KCNN2: variants seen among roughly 807,000 people sequenced by gnomAD.
KCNN2 encodes small conductance calcium-activated potassium channel protein 2.
A neutral mutation model predicts 55.5 loss-of-function variants in KCNN2; 24 were observed. The ratio of observed to expected loss-of-function variants is 0.43; its 90% CI spans 0.31 to 0.61. The LOEUF (loss-of-function observed/expected upper bound fraction) is 0.61. Ranked by LOEUF, KCNN2 falls within the 20% of genes least tolerant of loss-of-function variation. KCNN2 has a pLI of 0.08. For synonymous variants in KCNN2, 431 were observed against 336.1 expected (o/e 1.28, Z -3.09); for missense variants, 754 against 853.6 (o/e 0.88, Z 1.45).
At chr5:114,398,732 T>C (rs1430131515) in intron 2 of KCNN2, among the ~76,000 whole-genome samples, 1 of 152,166 alleles carries the variant, frequency 6.6e-6, no homozygotes, top group East Asian at 1.9e-4. Context: ...CAGTGTTTTG[T>C]AATTTTCCTC....
chr5:114,160,215 A>G (rs916310087), intron 1 of KCNN2, among the ~76,000 whole-genome samples: 3 of 152,024 alleles, frequency 2.0e-5, no homozygotes, highest in South Asian at 4.2e-4. Flanking sequence ...CTTTGTTCTC[A>G]TTGGTTTCAA....
intron 2 of KCNN2, among the ~76,000 whole-genome samples, chr5:114,324,487 G>A (rs1408628892): frequency 6.6e-6 from 1 of 152,132 alleles, no homozygotes; most frequent in African/African-American, 2.4e-5. Flanking sequence ...ATGAAAGAAG[G>A]GAATCAGAGC....
chr5:114,097,332 C>G (rs1580509505), intron 1 of KCNN2, among the ~76,000 whole-genome samples: 1 of 152,092 alleles, frequency 6.6e-6, no homozygotes, highest in South Asian at 2.1e-4. Flanking sequence ...AAGTTAGTTC[C>G]AGCATTTAAA....
intron 3 of KCNN2, among the ~76,000 whole-genome samples, chr5:114,436,890 G>T (rs1760022965): frequency 6.6e-6 from 1 of 152,166 alleles, no homozygotes; most frequent in Non-Finnish European, 1.5e-5. Flanking sequence ...CTGAAATGTG[G>T]CTGGCATTAT....
intron 2 of KCNN2, among the ~76,000 whole-genome samples, chr5:114,271,061 C>T (rs6421857): frequency 0.9 from 136,480 of 152,134 alleles, 61,620 homozygotes; most frequent in East Asian, 0.94. Context: ...GAAGGTGACC[C>T]GAGTGGGTTG....
chr5:114,206,545 C>T (rs1371070008), intron 1 of KCNN2, among the ~76,000 whole-genome samples: 1 of 151,892 alleles, frequency 6.6e-6, no homozygotes, highest in South Asian at 2.1e-4. Flanking sequence ...TTTTTTTCCC[C>T]TGTGAATTTC....
intron 1 of KCNN2, among the ~76,000 whole-genome samples, chr5:114,187,923 T>A (rs1248302254): frequency 6.6e-6 from 1 of 151,792 alleles, no homozygotes; most frequent in East Asian, 1.9e-4. Context: ...CAAGCAAGTC[T>A]CCTGCCTCAG....
chr5:114,146,149 T>C (rs558192064), intron 1 of KCNN2, among the ~76,000 whole-genome samples: 8 of 152,116 alleles, frequency 5.3e-5, no homozygotes, highest in Non-Finnish European at 1.5e-5. Flanking sequence ...ATACTTCCCT[T>C]ACTTGGTTTA....
intron 2 of KCNN2, among the ~76,000 whole-genome samples, chr5:114,251,575 A>AAT (rs1391769566): frequency 6.6e-6 from 1 of 152,200 alleles, no homozygotes; most frequent in Admixed American, 6.5e-5. Flanking sequence ...TGTTCAATAG[A>AAT]ATAAAGGACT....
At chr5:114,268,851 CA>C (rs1462765071) in intron 2 of KCNN2, among the ~76,000 whole-genome samples, 1 of 151,928 alleles carries the variant, frequency 6.6e-6, no homozygotes, top group Non-Finnish European at 1.5e-5. Context: ...TTGAGTACCA[CA>C]AAAAGAGCTA....
intron 1 of KCNN2, among the ~76,000 whole-genome samples, chr5:114,161,258 T>C (rs972428143): frequency 6.6e-6 from 1 of 152,162 alleles, no homozygotes; most frequent in South Asian, 2.1e-4. Flanking sequence ...GCTTCACTTA[T>C]GAAGCTTAGT....
intron 1 of KCNN2, among the ~76,000 whole-genome samples, chr5:114,080,561 T>G (rs1480404923): frequency 6.6e-6 from 1 of 152,210 alleles, no homozygotes; most frequent in African/African-American, 2.4e-5. Context: ...TTTGACAAAC[T>G]CGTTGATATA....
intron 1 of KCNN2, among the ~76,000 whole-genome samples, chr5:114,152,655 G>C (rs1206972810): frequency 6.6e-6 from 1 of 152,088 alleles, no homozygotes; most frequent in East Asian, 1.9e-4. Flanking sequence ...CCCTGATAGA[G>C]AACACAGTCT....
chr5:114,125,929 T>C (rs985506409), intron 1 of KCNN2, among the ~76,000 whole-genome samples: 6 of 152,188 alleles, frequency 3.9e-5, no homozygotes, highest in Non-Finnish European at 8.8e-5. Flanking sequence ...ACAAAGGTAC[T>C]GGAGGTTTGA....
chr5:114,243,121 A>T (rs1246501023), intron 2 of KCNN2, among the ~76,000 whole-genome samples: 1 of 152,206 alleles, frequency 6.6e-6, no homozygotes, highest in Admixed American at 6.5e-5. Flanking sequence ...AGTATATTTT[A>T]TACTGCATAA....
intron 2 of KCNN2, among the ~76,000 whole-genome samples, chr5:114,268,405 A>T (rs919421952): frequency 6.6e-6 from 1 of 152,266 alleles, no homozygotes; most frequent in Non-Finnish European, 1.5e-5. Context: ...ACAGCTTGCA[A>T]AGCTGCAAAG....
In KCNN2 at chr5:114,312,902, A is replaced by C. The variant is rs137972950; in HGVS notation, c.-184-48043A>C. ...ATCTGTGATAAGACTGGAAAACACA[A>C]GTTGTCAGTAATTGCACAGTGCCTA... is the stretch of plus-strand genomic sequence containing the variant. On this transcript the variant is annotated intron_variant, in intron 2 of 10. Transcript: ENST00000512097. 1.7e-4 allele frequency among the ~76,000 whole-genome samples: 26 copies of C among 152,220 alleles called. 1 individual carries two copies. In the East Asian group the frequency reaches 5.0e-3, roughly 29 times the overall value.
rs1751421296 is a variant in KCNN2 at position 114,103,746 on chromosome 5, G to T, written c.-271+47246G>T. Among the ~76,000 whole-genome samples the T allele has an allele frequency of 2.0e-5, 3 of 152,108 alleles. No individual in the cohort carries two copies. The South Asian group carries it at 6.2e-4, about 31-fold the overall frequency. On this transcript the variant is annotated intron_variant, in intron 1 of 10. Coordinates refer to the KCNN2 transcript ENST00000512097. ...TTACGTTTATTGATTTGCATATGTT[G>T]AATCAGCCTTGCATCCCAGGGATGA...
intron 1 of KCNN2, among the ~76,000 whole-genome samples, chr5:114,172,967 G>C (rs1322234289): frequency 1.3e-5 from 2 of 151,828 alleles, no homozygotes; most frequent in East Asian, 1.9e-4. Context: ...TTCTGCTTTG[G>C]TTGCCAGTGC....
Sources: allele counts gnomAD v4.1 joint callset (sites outside exome capture counted in the v4.1 genomes callset), GRCh38; gene constraint gnomAD v4.1.1; transcripts MANE v1.5; gene names NCBI Gene and HGNC (gene_info 2026-07-23, HGNC 2026-07-21).